The following NCKAP5 variants were observed in gnomAD, a reference collection of about 807,000 sequenced individuals.
The protein encoded by NCKAP5 is NCK associated protein 5.
NCKAP5 carries 92 observed loss-of-function variants against 167.0 expected under a neutral mutation model. That is an observed-to-expected ratio of 0.55 (90% CI 0.47 to 0.66). The LOEUF is 0.66. NCKAP5 is among the 30% of genes least tolerant of loss of function. NCKAP5 has a pLI of 0.00. For missense variants in NCKAP5, 2,378 were observed against 2,315.0 expected (o/e 1.03, Z -0.56); for synonymous variants, 891 against 877.4 (o/e 1.02, Z -0.27).
At chr2:133,182,997 T>G (rs1311284592) in intron 5 of NCKAP5, among the ~76,000 whole-genome samples, 1 of 152,012 alleles carries the variant, frequency 6.6e-6, no homozygotes, top group East Asian at 1.9e-4. Flanking sequence ...ATACATAAAT[T>G]TGACAACTTT....
chr2:132,838,850 C>T (rs1480636404), intron 11 of NCKAP5, among the ~76,000 whole-genome samples: 1 of 152,146 alleles, frequency 6.6e-6, no homozygotes, highest in Admixed American at 6.5e-5. Flanking sequence ...TGGGAGTACC[C>T]TCTCCTTGGT....
intron 16 of NCKAP5, among the ~76,000 whole-genome samples, chr2:132,761,858 A>G (rs1470309127): frequency 1.3e-5 from 2 of 152,148 alleles, no homozygotes; most frequent in African/African-American, 4.8e-5. Flanking sequence ...TAATATATGC[A>G]TGTACATGTC....
intron 3 of NCKAP5, among the ~76,000 whole-genome samples, chr2:133,461,295 A>AT (rs140907002): frequency 1.3e-5 from 2 of 152,108 alleles, no homozygotes; most frequent in Non-Finnish European, 2.9e-5. Context: ...TTAAATGAAG[A>AT]TTTTTTTCTA....
intron 1 of NCKAP5, among the ~76,000 whole-genome samples, chr2:133,559,687 G>C (rs1688021627): frequency 6.6e-6 from 1 of 152,120 alleles, no homozygotes; most frequent in South Asian, 2.1e-4. Context: ...CTTGCCCAAA[G>C]TCAGTAGAGT....
At chr2:133,480,789 A>G (rs1267423828) in intron 3 of NCKAP5, among the ~76,000 whole-genome samples, 1 of 152,048 alleles carries the variant, frequency 6.6e-6, no homozygotes, top group Non-Finnish European at 1.5e-5. Context: ...GCGTGTTCCA[A>G]GCTTTTGAAT....
intron 3 of NCKAP5, among the ~76,000 whole-genome samples, chr2:133,435,032 C>T (rs1690384279): frequency 2.6e-5 from 4 of 152,180 alleles, no homozygotes; most frequent in Admixed American, 2.6e-4. Context: ...GTATTATTTC[C>T]TTGGCAAAGC....
At chr2:133,125,797 A>AATTTCTG (rs1177183033) in intron 6 of NCKAP5, among the ~76,000 whole-genome samples, 5 of 152,160 alleles carry the variant, frequency 3.3e-5, no homozygotes, top group African/African-American at 1.2e-4. Flanking sequence ...CATTGCAGGC[A>AATTTCTG]ATTTCTGATG....
intron 3 of NCKAP5, among the ~76,000 whole-genome samples, chr2:133,340,613 G>T (rs1164511824): frequency 6.6e-6 from 1 of 152,128 alleles, no homozygotes; most frequent in Non-Finnish European, 1.5e-5. Context: ...TGTCTGTAAA[G>T]ATCTTATAAA....
chr2:133,404,680 T>C (rs1349384830), intron 3 of NCKAP5, among the ~76,000 whole-genome samples: 1 of 152,132 alleles, frequency 6.6e-6, no homozygotes, highest in Non-Finnish European at 1.5e-5. Context: ...AGCAGAAAAA[T>C]GATATCTTTT....
chr2:133,415,949 G>T (rs916377265), intron 3 of NCKAP5, among the ~76,000 whole-genome samples: 2 of 152,194 alleles, frequency 1.3e-5, no homozygotes, highest in South Asian at 2.1e-4. Context: ...GTGAGTGGTA[G>T]ATCATAAACA....
chr2:132,761,934 T>C (rs1017413912), intron 16 of NCKAP5, among the ~76,000 whole-genome samples: 7 of 152,302 alleles, frequency 4.6e-5, no homozygotes, highest in African/African-American at 1.7e-4. Context: ...TGGCCAAGCA[T>C]CTACAAAAGG....
chr2:133,277,387 T>C (rs2089772216), intron 4 of NCKAP5, among the ~76,000 whole-genome samples: 1 of 152,156 alleles, frequency 6.6e-6, no homozygotes, highest in Admixed American at 6.6e-5. Context: ...GTGGAGGATA[T>C]ACTGATAGAG....
chr2:133,654,403 A>AATAC, the NCKAP5 span, among the ~76,000 whole-genome samples: 2 of 151,420 alleles, frequency 1.3e-5, no homozygotes, highest in African/African-American at 4.9e-5. Flanking sequence ...TAAATAAATA[A>AATAC]ATAAATAAAT....
intron 10 of NCKAP5, among the ~76,000 whole-genome samples, chr2:132,865,529 C>T (rs1435359520): frequency 6.6e-6 from 1 of 152,200 alleles, no homozygotes; most frequent in Non-Finnish European, 1.5e-5. Flanking sequence ...TCTAAATGCT[C>T]TTCCTGCTAC....
intron 3 of NCKAP5, among the ~76,000 whole-genome samples, chr2:133,459,894 GA>G (rs1301166480): frequency 2.0e-5 from 3 of 152,022 alleles, no homozygotes; most frequent in Non-Finnish European, 4.4e-5. Context: ...CATGTGGAAT[GA>G]AATGTTCCTA....
chr2:133,455,878 T>C (rs1691825426), intron 3 of NCKAP5, among the ~76,000 whole-genome samples: 2 of 152,154 alleles, frequency 1.3e-5, no homozygotes, highest in African/African-American at 4.8e-5. Flanking sequence ...TGGTTAGATG[T>C]AAATAAATCC....
chr2:132,695,378 T>C (rs1687206442), intron 19 of NCKAP5, among the ~76,000 whole-genome samples: 1 of 152,162 alleles, frequency 6.6e-6, no homozygotes. Flanking sequence ...GAGTGGCACC[T>C]GGTTCCACGA....
the NCKAP5 span, among the ~76,000 whole-genome samples, chr2:133,637,188 A>G: frequency 1.3e-5 from 2 of 151,984 alleles, no homozygotes; most frequent in Admixed American, 1.3e-4. Context: ...ACCACCAATA[A>G]TTTTAAAATA....
At chr2:133,348,424 T>C (rs1684123574) in intron 3 of NCKAP5, among the ~76,000 whole-genome samples, 2 of 152,192 alleles carry the variant, frequency 1.3e-5, no homozygotes, top group Non-Finnish European at 2.9e-5. Context: ...TTTGTTTTAC[T>C]CATGTATCTA....
Sources: gnomAD v4.1 joint callset for allele counts (sites outside exome capture counted in the v4.1 genomes callset) on GRCh38, gnomAD v4.1.1 for gene constraint, MANE v1.5 for transcripts, NCBI Gene and HGNC (gene_info 2026-07-23, HGNC 2026-07-21) for gene names.